Variants in VAC14 observed in about 807,000 individuals in gnomAD.
VAC14 encodes the protein VAC14 component of PIKFYVE complex, also known as protein VAC14 homolog.
A neutral mutation model predicts 85.3 loss-of-function variants in VAC14; 47 were observed. The ratio of observed to expected loss-of-function variants is 0.55; its 90% CI spans 0.44 to 0.70. The LOEUF (loss-of-function observed/expected upper bound fraction) is 0.70, where lower values mean the gene tolerates loss of function less well. Among genes scored for constraint, VAC14 ranks in the 30% least tolerant of loss-of-function variants. VAC14 has a pLI of 0.00. For synonymous variants in VAC14, 447 were observed against 430.5 expected (o/e 1.04, Z -0.47); for missense variants, 861 against 1,004.3 (o/e 0.86, Z 1.93).
In VAC14 at chr16:70,692,831, G is replaced by A; in HGVS notation, c.2176C>T (p.Leu726=). 1 of 1,600,040 alleles carries A rather than the reference G, an allele frequency of 6.2e-7. No individual in the cohort carries two copies. The highest frequency in any genetic ancestry group is 1.1e-5 in the South Asian group (1 of 88,260). The change falls in exon 18 of 19, where the codon CTG becomes TTG. Residue 726 remains leucine (L), a synonymous_variant. Coordinates refer to ENST00000261776, the MANE Select transcript of VAC14 (RefSeq NM_018052.5). ...CCAGCCGGCACTCACTCGGTCTGCAGCAGCTCAGGGTTGGGCACGCACTGG... is the reference window on the plus strand; with the variant it reads ...CCAGCCGGCACTCACTCGGTCTGCAACAGCTCAGGGTTGGGCACGCACTGG... The part of the protein sequence containing the change: ...RLQCVPNPEL[L]QTEDSLKAAP...
intron 13 of VAC14, among the ~76,000 whole-genome samples, chr16:70,742,521 A>T (rs1164861693): frequency 6.6e-6 from 1 of 152,244 alleles, no homozygotes; most frequent in Non-Finnish European, 1.5e-5. Context: ...AGAGGGTGGG[A>T]GTCCCAGCAG....
At chr16:70,731,648 C>A (rs751393981) in intron 13 of VAC14, 21 bp from the exon 14 acceptor site, 1 of 1,611,994 alleles carries the variant, frequency 6.2e-7, no homozygotes, top group Admixed American at 1.7e-5. Flanking sequence ...AGGGATAGAG[C>A]CAGCATTTAT....
chr16:70,749,061 G>A (rs1597931219), intron 12 of VAC14, among the ~76,000 whole-genome samples: 1 of 152,264 alleles, frequency 6.6e-6, no homozygotes, highest in Non-Finnish European at 1.5e-5. Flanking sequence ...ATGGAGATTT[G>A]ACCTTGCCAG....
chr16:70,689,889 A>G, intron 18 of VAC14: 1 of 985,458 alleles, frequency 1.0e-6, no homozygotes, highest in Non-Finnish European at 1.2e-6. Context: ...GCCAAGGGCC[A>G]CCCCGGAGCT....
intron 10 of VAC14, among the ~76,000 whole-genome samples, chr16:70,765,888 T>C (rs750092132): frequency 6.6e-6 from 1 of 152,000 alleles, no homozygotes; most frequent in Non-Finnish European, 1.5e-5. Context: ...TCCCAGCACT[T>C]TGGGAGGCCG....
chr16:70,714,179 GCTCT>G (rs765244487), intron 14 of VAC14: 1 of 152,140 alleles, frequency 6.6e-6, no homozygotes, highest in African/African-American at 2.4e-5. Context: ...TGGCAATTTT[GCTCT>G]CTATTTTAGG....
chr16:70,736,571 C>T (rs571477256), intron 13 of VAC14, among the ~76,000 whole-genome samples: 1 of 152,288 alleles, frequency 6.6e-6, no homozygotes, highest in South Asian at 2.1e-4. Flanking sequence ...CTGCTCTGGA[C>T]ACAACTCTGA....
chr16:70,762,802 G>T lies in VAC14; in HGVS notation c.1305+79C>A. On this transcript the variant is annotated intron_variant, in intron 11 of 18. Coordinates refer to ENST00000261776, the MANE Select transcript of VAC14 (RefSeq NM_018052.5). The surrounding 1 kb of genome is among the most constrained non-coding windows in gnomAD (Gnocchi z 4.1). ...TCCCTAGAAGGGCAATGACCAAAATGCTACCAACTATGGGCAGGCCCTGGA... is the reference window on the plus strand; with the variant it reads ...TCCCTAGAAGGGCAATGACCAAAATTCTACCAACTATGGGCAGGCCCTGGA... The T allele has an allele frequency of 6.2e-7, 1 of 1,600,452 alleles. No individual in the cohort carries two copies. The highest frequency in any genetic ancestry group is 8.5e-7 in the Non-Finnish European group (1 of 1,171,750).
chr16:70,726,492 G>A (rs1045677695), intron 14 of VAC14, among the ~76,000 whole-genome samples: 3 of 152,238 alleles, frequency 2.0e-5, no homozygotes, highest in Non-Finnish European at 4.4e-5. Flanking sequence ...CCAGCACTGG[G>A]GCTGAGACAT....
intron 10 of VAC14, chr16:70,770,673 T>C (rs1024709395): frequency 6.6e-6 from 1 of 152,248 alleles, no homozygotes; most frequent in Non-Finnish European, 1.5e-5. Context: ...GCTACTTCTC[T>C]GCCTCACCAC....
chr16:70,743,536 C>G (rs2030567498), intron 13 of VAC14, among the ~76,000 whole-genome samples: 1 of 152,206 alleles, frequency 6.6e-6, no homozygotes, highest in Non-Finnish European at 1.5e-5. Context: ...GTCAGCAAGA[C>G]CACGAACCCA....
chr16:70,709,637 G>C (rs1484627393), intron 14 of VAC14, among the ~76,000 whole-genome samples: 1 of 152,176 alleles, frequency 6.6e-6, no homozygotes, highest in Non-Finnish European at 1.5e-5. Flanking sequence ...CTGTAGCCTG[G>C]ACCCAAACTC....
intron 1 of VAC14, among the ~76,000 whole-genome samples, chr16:70,793,142 T>C (rs2034408471): frequency 6.6e-6 from 1 of 152,212 alleles, no homozygotes; most frequent in Non-Finnish European, 1.5e-5. Context: ...GCTTTCTCTA[T>C]ACACTTTCAC....
intron 13 of VAC14, among the ~76,000 whole-genome samples, chr16:70,732,976 C>T (rs897294228): frequency 1.3e-5 from 2 of 152,140 alleles, no homozygotes; most frequent in African/African-American, 4.8e-5. Context: ...AAAAAGAAAA[C>T]AGCTTTATTG....
At chr16:70,711,219 C>T (rs1408428573) in intron 14 of VAC14, among the ~76,000 whole-genome samples, 1 of 152,242 alleles carries the variant, frequency 6.6e-6, no homozygotes, top group Non-Finnish European at 1.5e-5. Flanking sequence ...GATCTGTACT[C>T]TCAACAAGCT....
intron 14 of VAC14, among the ~76,000 whole-genome samples, chr16:70,705,597 G>A (rs1361044956): frequency 6.6e-6 from 1 of 152,240 alleles, no homozygotes; most frequent in Non-Finnish European, 1.5e-5. Context: ...GACAGACCCT[G>A]GACTCAAACC....
At chr16:70,772,400 C>T in intron 9 of VAC14, 1 of 537,090 alleles carries the variant, frequency 1.9e-6, no homozygotes, top group South Asian at 2.5e-5. Context: ...AAGGAGGGGA[C>T]ACCAGTGCTA....
At chr16:70,717,375 C>T (rs2054189350) in intron 14 of VAC14, among the ~76,000 whole-genome samples, 1 of 152,220 alleles carries the variant, frequency 6.6e-6, no homozygotes, top group Admixed American at 6.5e-5. Context: ...AGGAGGTGGC[C>T]TGAGCCTTGA....
chr16:70,792,792 G>A (rs958348979), intron 1 of VAC14, among the ~76,000 whole-genome samples: 4 of 152,138 alleles, frequency 2.6e-5, no homozygotes, highest in African/African-American at 7.2e-5. Context: ...AGTGACAGTC[G>A]CAAGAGACTG....
Sources: gnomAD v4.1 joint callset for allele counts (sites outside exome capture counted in the v4.1 genomes callset) on GRCh38, gnomAD v4.1.1 for gene constraint, Gnocchi (gnomAD v3.1) non-coding constraint, MANE v1.5 for transcripts, NCBI Gene and HGNC (gene_info 2026-07-23, HGNC 2026-07-21) for gene names.